CNTNAP4: variants seen among roughly 807,000 people sequenced by gnomAD.
CNTNAP4 encodes contactin associated protein family member 4.
A neutral mutation model predicts 148.4 loss-of-function variants in CNTNAP4; 98 were observed. The ratio of observed to expected loss-of-function variants is 0.66; its 90% confidence interval spans 0.56 to 0.78. The LOEUF (loss-of-function observed/expected upper bound fraction) is 0.78. Among genes scored for constraint, CNTNAP4 ranks in the 30% least tolerant of loss-of-function variants. CNTNAP4 has a pLI of 0.00. For synonymous variants in CNTNAP4, 730 were observed against 565.1 expected, an observed-to-expected ratio of 1.29 and a Z score of -4.14; for missense variants, 1,935 against 1,565.6, an observed-to-expected ratio of 1.24 and a Z score of -3.98.
intron 1 of CNTNAP4, among the ~76,000 whole-genome samples, chr16:76,293,130 CTT>C (rs201112549): frequency 6.8e-6 from 1 of 147,662 alleles, no homozygotes; most frequent in African/African-American, 2.5e-5. Flanking sequence ...TTCTTTCTTT[CTT>C]TTTTTTTTTC....
intron 3 of CNTNAP4, among the ~76,000 whole-genome samples, chr16:76,414,383 A>G (rs1477308614): frequency 6.6e-6 from 1 of 151,416 alleles, no homozygotes; most frequent in African/African-American, 2.4e-5. Context: ...CGATTGAGAT[A>G]TGATTTATTA....
intron 15 of CNTNAP4, among the ~76,000 whole-genome samples, chr16:76,516,528 C>G (rs183641409): frequency 1.1e-4 from 17 of 152,334 alleles, no homozygotes; most frequent in African/African-American, 4.1e-4. Context: ...GTTTGCAACT[C>G]TCATACAATC....
At chr16:76,408,697 AGTT>A (rs2078691882) in intron 3 of CNTNAP4, among the ~76,000 whole-genome samples, 1 of 152,122 alleles carries the variant, frequency 6.6e-6, no homozygotes, top group African/African-American at 2.4e-5. Context: ...TCAAATAATC[AGTT>A]GTTTTTCAAA....
intron 2 of CNTNAP4, among the ~76,000 whole-genome samples, chr16:76,341,608 T>C (rs989033538): frequency 4.6e-5 from 7 of 152,206 alleles, no homozygotes; most frequent in African/African-American, 1.7e-4. Flanking sequence ...AAAACATCCA[T>C]TTTTGAAATG....
intron 21 of CNTNAP4, among the ~76,000 whole-genome samples, chr16:76,542,283 A>G (rs781465682): frequency 6.6e-6 from 1 of 152,238 alleles, no homozygotes; most frequent in African/African-American, 2.4e-5. Context: ...CTAGGAGACT[A>G]TTCAGCTCTG....
At chr16:76,451,636 T>TGTGTGTGTGTGTGTGTGTG (rs1555561325) in intron 7 of CNTNAP4, among the ~76,000 whole-genome samples, 3 of 151,650 alleles carry the variant, frequency 2.0e-5, no homozygotes, top group African/African-American at 4.9e-5. Flanking sequence ...TGTGTGTGTA[T>TGTGTGTGTGTGTGTGTGTG]TTTATCCATA....
At chr16:76,548,717 C>T (rs901715862) in intron 21 of CNTNAP4, among the ~76,000 whole-genome samples, 3 of 152,154 alleles carry the variant, frequency 2.0e-5, no homozygotes, top group African/African-American at 7.2e-5. Context: ...ACACCTAAAA[C>T]ATGACTGTTT....
intron 17 of CNTNAP4, among the ~76,000 whole-genome samples, chr16:76,533,421 A>C (rs2084071960): frequency 6.6e-6 from 1 of 152,166 alleles, no homozygotes; most frequent in Non-Finnish European, 1.5e-5. Flanking sequence ...GTTGTATGCC[A>C]CTGTAGAATG....
At chr16:76,334,879 C>G (rs1483394083) in intron 2 of CNTNAP4, among the ~76,000 whole-genome samples, 1 of 151,944 alleles carries the variant, frequency 6.6e-6, no homozygotes, top group Admixed American at 6.6e-5. Context: ...AACACTCAAC[C>G]TTTCCATCTG....
At chr16:76,320,042 A>C (rs1962240324) in intron 2 of CNTNAP4, among the ~76,000 whole-genome samples, 1 of 152,232 alleles carries the variant, frequency 6.6e-6, no homozygotes, top group Admixed American at 6.5e-5. Flanking sequence ...GGTTGGAAGA[A>C]TTTTGAGGCA....
chr16:76,555,570 T>C (rs1316580742), intron 23 of CNTNAP4, among the ~76,000 whole-genome samples: 5 of 152,320 alleles, frequency 3.3e-5, no homozygotes, highest in Admixed American at 2.0e-4. Flanking sequence ...TAAATACAGA[T>C]ACAGAGACAG....
intron 3 of CNTNAP4, among the ~76,000 whole-genome samples, chr16:76,386,715 C>T (rs563986553): frequency 8.1e-4 from 123 of 152,164 alleles, no homozygotes; most frequent in African/African-American, 2.9e-3. Context: ...ACTACCTTAA[C>T]GTTGGGACCT....
intron 17 of CNTNAP4, among the ~76,000 whole-genome samples, chr16:76,534,256 G>T (rs2084118163): frequency 2.0e-5 from 3 of 152,180 alleles, no homozygotes; most frequent in Admixed American, 2.0e-4. Context: ...GTCTACCACT[G>T]TTCTTTGTGC....
In CNTNAP4 at chr16:76,467,530, G is replaced by C. The variant is rs760168511; in HGVS notation, c.1655+7G>C. 2.5e-6 allele frequency: 4 copies of C among 1,582,354 alleles called. No homozygotes were observed. In the South Asian group the frequency reaches 4.6e-5, roughly 18 times the overall value. ...CATGTGGCATCTCAGACAGGTAAGGGCAATCTCACTTCATTTTGACCTGCT... is the reference window on the plus strand; with the variant it reads ...CATGTGGCATCTCAGACAGGTAAGGCCAATCTCACTTCATTTTGACCTGCT... On this transcript the variant is annotated splice_region_variant and intron_variant, in intron 10 of 23. Transcript: ENST00000611870.
At chr16:76,361,118 C>A (rs569898076) in intron 3 of CNTNAP4, among the ~76,000 whole-genome samples, 1 of 151,838 alleles carries the variant, frequency 6.6e-6, no homozygotes, top group Non-Finnish European at 1.5e-5. Flanking sequence ...GCACCGCGCC[C>A]GGCCCATTTT....
intron 2 of CNTNAP4, among the ~76,000 whole-genome samples, chr16:76,329,655 CTTAAAACCACAT>C (rs1430215925): frequency 6.6e-6 from 1 of 152,112 alleles, no homozygotes; most frequent in African/African-American, 2.4e-5. Flanking sequence ...AGAAAGCTAG[CTTAAAACCACAT>C]TTAAGTGACG....
chr16:76,335,617 C>G (rs1196169329), intron 2 of CNTNAP4, among the ~76,000 whole-genome samples: 2 of 152,148 alleles, frequency 1.3e-5, no homozygotes, highest in Non-Finnish European at 2.9e-5. Context: ...TGGAATCCTC[C>G]TTTCACATTC....
intron 15 of CNTNAP4, among the ~76,000 whole-genome samples, chr16:76,517,006 G>T (rs551550231): frequency 1.3e-4 from 20 of 152,340 alleles, no homozygotes; most frequent in African/African-American, 4.1e-4. Context: ...GGAGGTTGCA[G>T]TGGCCAATAT....
At chr16:76,553,729 C>A in intron 22 of CNTNAP4, 107 bp from the exon 23 acceptor site, 1 of 712,900 alleles carries the variant, frequency 1.4e-6, no homozygotes, top group Non-Finnish European at 2.4e-6. Context: ...AGAGATCCCA[C>A]ATTCGCCTCC....
Sources: allele counts gnomAD v4.1 joint callset (sites outside exome capture counted in the v4.1 genomes callset), GRCh38; gene constraint gnomAD v4.1.1; transcripts MANE v1.5; gene names NCBI Gene and HGNC (gene_info 2026-07-23, HGNC 2026-07-21).